Variants in GJA9 observed in about 807,000 individuals in gnomAD.
The protein encoded by GJA9 is gap junction protein alpha 9.
In GJA9, 1 loss-of-function variant was observed where a neutral mutation model predicts 0.4. The ratio of observed to expected loss-of-function variants is 2.50; its 90% confidence interval spans 0.89 to 11.88. The LOEUF (loss-of-function observed/expected upper bound fraction) is 11.88, where lower values mean the gene tolerates loss of function less well. Ranked by LOEUF, GJA9 falls within the 30% of genes most tolerant of loss-of-function variation. The pLI, the probability that GJA9 is intolerant of heterozygous loss-of-function variation, is 0.12. For missense variants in GJA9, 550 were observed against 602.8 expected (o/e 0.91, Z 0.92); for synonymous variants, 190 against 219.1 (o/e 0.87, Z 1.17).
In GJA9 at chr1:38,874,748, T is replaced by G; in HGVS notation, c.1351A>C (p.Thr451Pro). 1 of 1,614,222 alleles carries G rather than the reference T, an allele frequency of 6.2e-7. No individual in the cohort carries two copies. The highest frequency in any genetic ancestry group is 8.5e-7 in the Non-Finnish European group (1 of 1,180,032). The change falls in exon 2 of 2, where the codon ACA (threonine) becomes CCA (proline). Residue 451 changes from threonine (T) to proline (P), a missense_variant. By Grantham distance (38) the Thr-to-Pro change is conservative. Coordinates refer to ENST00000357771, the MANE Select transcript of GJA9 (RefSeq NM_030772.5). Reference sequence around the variant, plus strand: ...TGTGAAGGAGGAAGGGTTCTGACTGTGCCCTTTCTGAACTGGCCCTTGAGG... The same window carrying G: ...TGTGAAGGAGGAAGGGTTCTGACTGGGCCCTTTCTGAACTGGCCCTTGAGG... ...GNLKGQFRKGTVRTLPPSQGD... is the reference protein window; with the variant it reads ...GNLKGQFRKGPVRTLPPSQGD...
chr1:38,878,682 A>G (rs1420200493), intron 1 of GJA9, among the ~76,000 whole-genome samples: 1 of 151,444 alleles, frequency 6.6e-6, no homozygotes, highest in Non-Finnish European at 1.5e-5. Context: ...CTGTCTCAGA[A>G]AACAAAAAGA....
chr1:38,877,442 C>G (rs1439366879), intron 1 of GJA9, among the ~76,000 whole-genome samples: 3 of 152,182 alleles, frequency 2.0e-5, no homozygotes, highest in African/African-American at 7.2e-5. Flanking sequence ...ATAACAAAGT[C>G]AATTTCTTTT....
At position 38,875,967 on chromosome 1, in the gene GJA9, G is replaced by C. The variant is rs750945760; in HGVS notation, c.132C>G (p.Val44=). The change falls in exon 2 of 2, where the codon GTC becomes GTG. Residue 44 remains valine, a synonymous_variant. Coordinates refer to ENST00000357771, the MANE Select transcript of GJA9 (RefSeq NM_030772.5). ...MLVLGVAAED[V]WNDEQSGFIC... ...TGAAGCCAGACTGCTCATCATTCCA[G>C]ACATCTTCAGCTGCTACACCCAGAA... The C allele has an allele frequency of 6.2e-7, 1 of 1,614,172 alleles. No homozygotes were observed. The highest frequency in any genetic ancestry group is 1.1e-5 in the South Asian group (1 of 91,086).
intron 1 of GJA9, 101 bp from the exon 2 acceptor site, chr1:38,876,294 G>C (rs1642586704): frequency 3.3e-6 from 2 of 602,672 alleles, no homozygotes; most frequent in South Asian, 4.2e-5. Flanking sequence ...TGTTTGTTGA[G>C]ACAGAGTCTC....
At position 38,875,239 on chromosome 1, in the gene GJA9, AAC is replaced by A; in HGVS notation, c.858_859del (p.Leu287SerfsTer12). ...TGCAGTGTGTGTTTGCTTTTCCACT[AAC>A]AGATTATAATCAGGGGCAGAAGGGA... On this transcript the variant is annotated frameshift_variant, in exon 2 of 2. Coordinates refer to ENST00000357771, the MANE Select transcript of GJA9 (RefSeq NM_030772.5). LOFTEE classifies it low-confidence loss of function (END_TRUNC). The A allele has an allele frequency of 6.2e-7, 1 of 1,614,178 alleles. No individual in the cohort carries two copies. The highest frequency in any genetic ancestry group is 8.5e-7 in the Non-Finnish European group (1 of 1,180,036).
chr1:38,874,452 G>T lies in GJA9; in HGVS notation c.*99C>A. 1.2e-6 allele frequency: 1 copy of T among 858,696 alleles called. No homozygotes were observed. Among genetic ancestry groups the T allele is most frequent in the Non-Finnish European group, 1.8e-6 (1 of 544,494 alleles). 53.2% of individuals were successfully genotyped at this position (858,696 alleles called of 1,614,324 possible). A position where few individuals can be genotyped will look rare whatever the true frequency, so the allele number is the denominator to read the frequency against. ...GAGTTTGCAGTTGTCTGTCTTAACAGCTGGTCTTTAGAGCTGCCCCTATCT... is the reference window on the plus strand; with the variant it reads ...GAGTTTGCAGTTGTCTGTCTTAACATCTGGTCTTTAGAGCTGCCCCTATCT... On this transcript the variant is annotated 3_prime_UTR_variant, in exon 2 of 2. Coordinates refer to ENST00000357771, the MANE Select transcript of GJA9 (RefSeq NM_030772.5).
chr1:38,877,653 C>A (rs1290804160), intron 1 of GJA9, among the ~76,000 whole-genome samples: 8 of 151,990 alleles, frequency 5.3e-5, no homozygotes, highest in Non-Finnish European at 1.0e-4. Flanking sequence ...CCTGCCAACA[C>A]CCCCCGGGAT....
At chr1:38,877,202 G>A (rs1242267277) in intron 1 of GJA9, among the ~76,000 whole-genome samples, 1 of 150,966 alleles carries the variant, frequency 6.6e-6, no homozygotes, top group Admixed American at 6.6e-5. Flanking sequence ...ACCATGCCCG[G>A]ATAATTTTGT....
chr1:38,878,131 T>C (rs1043773371), intron 1 of GJA9, among the ~76,000 whole-genome samples: 1 of 151,758 alleles, frequency 6.6e-6, no homozygotes, highest in Non-Finnish European at 1.5e-5. Flanking sequence ...CAGACTAGAG[T>C]GCAGTGGCAG....
rs1216178219 is a variant in GJA9 at position 38,874,819 on chromosome 1, C to G, written c.1280G>C (p.Gly427Ala). ...CCGGTTTTCATGTTCTGTAGAGGAA[C>G]CCCATGTAGCTCTAAGCCACCGCGG... The part of the protein sequence containing the change: ...WKPRWLRATW[G>A]SSTEHENRGS... The change falls in exon 2 of 2, where the codon GGT (glycine) becomes GCT (alanine). Residue 427 changes from glycine (G) to alanine (A), a missense_variant. Gly to Ala is a moderately conservative substitution (Grantham distance 60). Transcript: ENST00000357771. The G allele has an allele frequency of 6.2e-7, 1 of 1,614,146 alleles. No individual in the cohort carries two copies. Among genetic ancestry groups the G allele is most frequent in the Non-Finnish European group, 8.5e-7 (1 of 1,180,032 alleles).
Position 38,881,465 on chromosome 1 carries a change from C to T in GJA9, c.-129G>A, listed in dbSNP as rs903338868. 2 of 701,510 alleles carry T rather than the reference C, an allele frequency of 2.9e-6. No homozygotes were observed. Among genetic ancestry groups the T allele is most frequent in the African/African-American group, 1.7e-5 (1 of 57,198 alleles). 43.5% of individuals were successfully genotyped at this position (701,510 alleles called of 1,614,324 possible). A position where few individuals can be genotyped will look rare whatever the true frequency, so the allele number is the denominator to read the frequency against. ...GTTTAGGTAAATCTGAGAAGCAAACCATGTTTAGAAGTTACAGCATGGCCA... is the reference window on the plus strand; with the variant it reads ...GTTTAGGTAAATCTGAGAAGCAAACTATGTTTAGAAGTTACAGCATGGCCA... On this transcript the variant is annotated 5_prime_UTR_variant, in exon 1 of 2. It removes an upstream start codon present in the reference 5' UTR. Transcript: ENST00000357771.
Position 38,874,672 on chromosome 1 carries a change from C to G in GJA9, c.1427G>C (p.Gly476Ala). 3 of 1,614,134 alleles carry G rather than the reference C, an allele frequency of 1.9e-6. No homozygotes were observed. Among genetic ancestry groups the G allele is most frequent in the Non-Finnish European group, 2.5e-6 (3 of 1,180,022 alleles). The change falls in exon 2 of 2, where the codon GGG becomes GCG. Residue 476 changes from glycine (G) to alanine (A), a missense_variant. By Grantham distance (60) the Gly-to-Ala change is moderately conservative. Coordinates refer to ENST00000357771, the MANE Select transcript of GJA9 (RefSeq NM_030772.5). ...GACCAACCCTGGCTCAAAGGACAGC[C>G]CTCCCAAAGAATCAGCAGTGTTTGG... ...DIPNTADSLG[G>A]LSFEPGLVRT...
intron 1 of GJA9, among the ~76,000 whole-genome samples, chr1:38,876,712 G>T (rs1422251284): frequency 6.6e-6 from 1 of 152,062 alleles, no homozygotes; most frequent in East Asian, 1.9e-4. Context: ...AAGAATATAG[G>T]CTGGGCGGGG....
chr1:38,879,002 G>T (rs1317840223), intron 1 of GJA9, among the ~76,000 whole-genome samples: 2 of 151,954 alleles, frequency 1.3e-5, no homozygotes, highest in Non-Finnish European at 2.9e-5. Context: ...CAAAGTGCTG[G>T]GATTACAGGC....
At position 38,874,714 on chromosome 1, in the gene GJA9, G is replaced by A; in HGVS notation, c.1385C>T (p.Ser462Phe). 6.2e-7 allele frequency: 1 copy of A among 1,614,212 alleles called. No individual in the cohort carries two copies. ...AGTGTTTGGAATGTCAAGTGATTGA[G>A]AATCTCCTTGTGAAGGAGGAAGGGT... ...VRTLPPSQGD[S>F]QSLDIPNTAD... is the part of the protein sequence containing the mutation. The change falls in exon 2 of 2, where the codon TCT (serine) becomes TTT (phenylalanine). Residue 462 changes from serine to phenylalanine, a missense_variant. Ser to Phe is a radical substitution (Grantham distance 155). Coordinates refer to ENST00000357771, the MANE Select transcript of GJA9 (RefSeq NM_030772.5).
At chr1:38,879,102 T>C (rs1163187484) in intron 1 of GJA9, among the ~76,000 whole-genome samples, 2 of 152,142 alleles carry the variant, frequency 1.3e-5, no homozygotes, top group African/African-American at 2.4e-5. Flanking sequence ...GGCAGTATTA[T>C]GGAAACTTTC....
chr1:38,875,575 T>C lies in GJA9; in HGVS notation c.524A>G (p.Gln175Arg). 1 of 1,614,216 alleles carries C rather than the reference T, an allele frequency of 6.2e-7. No individual in the cohort carries two copies. Among genetic ancestry groups the C allele is most frequent in the Non-Finnish European group, 8.5e-7 (1 of 1,180,036 alleles). The change falls in exon 2 of 2, where the codon CAG (glutamine) becomes CGG (arginine). Residue 175 changes from glutamine to arginine, a missense_variant. By Grantham distance (43) the Gln-to-Arg change is conservative. Transcript: ENST00000357771. ...SVVEVGFMIGQYLLYGFHLEP... is the reference protein window; with the variant it reads ...SVVEVGFMIGRYLLYGFHLEP... ...TAAGTGAAATCCATATAAAAGGTACTGTCCAATCATGAATCCAACTTCAAC... is the reference window on the plus strand; with the variant it reads ...TAAGTGAAATCCATATAAAAGGTACCGTCCAATCATGAATCCAACTTCAAC...
At position 38,881,467 on chromosome 1, in the gene GJA9, T is replaced by C. The variant is rs984520644; in HGVS notation, c.-131A>G. The C allele has an allele frequency of 1.4e-6, 1 of 701,930 alleles. No homozygotes were observed. The highest frequency in any genetic ancestry group is 2.6e-6 in the Non-Finnish European group (1 of 384,624). 43.5% of individuals were successfully genotyped at this position (701,930 alleles called of 1,614,324 possible). On this transcript the variant is annotated 5_prime_UTR_variant, in exon 1 of 2. It removes an upstream start codon present in the reference 5' UTR. Coordinates refer to ENST00000357771, the MANE Select transcript of GJA9 (RefSeq NM_030772.5). ...TTAGGTAAATCTGAGAAGCAAACCATGTTTAGAAGTTACAGCATGGCCATC... is the reference window on the plus strand; with the variant it reads ...TTAGGTAAATCTGAGAAGCAAACCACGTTTAGAAGTTACAGCATGGCCATC...
At chr1:38,878,463 GGT>G (rs1180538958) in intron 1 of GJA9, among the ~76,000 whole-genome samples, 4 of 151,094 alleles carry the variant, frequency 2.6e-5, no homozygotes, top group African/African-American at 9.7e-5. Flanking sequence ...GATCACCTGA[GGT>G]CAGGAGTTCG....
Sources: gnomAD v4.1 joint callset for allele counts (sites outside exome capture counted in the v4.1 genomes callset) on GRCh38, gnomAD v4.1.1 for gene constraint, MANE v1.5 for transcripts, NCBI Gene and HGNC (gene_info 2026-07-23, HGNC 2026-07-21) for gene names.